ACO2: variants seen among roughly 807,000 people sequenced by gnomAD.
ACO2 encodes aconitase 2.
Under a neutral mutation model 84.5 loss-of-function variants are expected in ACO2, and 31 were observed. The ratio of observed to expected loss-of-function variants is 0.37; its 90% CI spans 0.28 to 0.50. The LOEUF (loss-of-function observed/expected upper bound fraction) is 0.50. Ranked by LOEUF, ACO2 falls within the 20% of genes least tolerant of loss-of-function variation. The probability of loss-of-function intolerance (pLI) is 0.97; values close to 1 mark genes in which losing one functional copy is unlikely to be tolerated. For synonymous variants in ACO2, 414 were observed against 412.7 expected (o/e 1.00, Z -0.04); for missense variants, 685 against 1,029.3 (o/e 0.67, Z 4.58).
At chr22:41,522,447 C>T (rs1427839695) in intron 9 of ACO2, among the ~76,000 whole-genome samples, 1 of 152,172 alleles carries the variant, frequency 6.6e-6, no homozygotes, top group Admixed American at 6.5e-5. Flanking sequence ...ATCTTTAAAA[C>T]CCAGAAAATA....
At chr22:41,490,631 G>A (rs1431627612) in intron 1 of ACO2, among the ~76,000 whole-genome samples, 1 of 152,184 alleles carries the variant, frequency 6.6e-6, no homozygotes, top group African/African-American at 2.4e-5. Flanking sequence ...TAGTCAAAGA[G>A]TGCAAACACT....
intron 15 of ACO2, 103 bp downstream of exon 15, chr22:41,526,556 C>A: frequency 7.5e-7 from 1 of 1,327,488 alleles, no homozygotes. Flanking sequence ...GGAAGGAGGC[C>A]GACCAAGCCC....
At chr22:41,528,293 C>T (rs536839728) in intron 17 of ACO2, 186 bp from the exon 18 acceptor site, 1 of 897,756 alleles carries the variant, frequency 1.1e-6, no homozygotes, top group Non-Finnish European at 1.6e-6. Flanking sequence ...ACCCTCTGGG[C>T]CCCAGGAATC....
chr22:41,521,897 G>C (rs557723093), intron 9 of ACO2, among the ~76,000 whole-genome samples: 1 of 151,608 alleles, frequency 6.6e-6, no homozygotes, highest in Admixed American at 6.6e-5. Context: ...TCAGCCTCCC[G>C]AGTAGCTGGG....
At chr22:41,504,511 G>T (rs1313517920) in intron 2 of ACO2, among the ~76,000 whole-genome samples, 1 of 152,054 alleles carries the variant, frequency 6.6e-6, no homozygotes, top group Non-Finnish European at 1.5e-5. Flanking sequence ...CAAGGTCTTG[G>T]GTTTTTAAGC....
Position 41,520,266 on chromosome 22 carries a change from C to T in ACO2, c.1128C>T (p.Asp376=), listed in dbSNP as rs376814006. ...CAGAGAAGGAAGGATGGCCTCTGGA[C>T]ATCCGAGTGGGTGAGCACCTTCCAC... is the stretch of plus-strand genomic sequence containing the variant. ...KVAEKEGWPL[D]IRVGLIGSCT... The change falls in exon 9 of 18, where the codon GAC becomes GAT. Residue 376 remains aspartate, a synonymous_variant. Transcript: ENST00000216254. 2.5e-6 allele frequency: 4 copies of T among 1,613,772 alleles called. No homozygotes were observed. The highest frequency in any genetic ancestry group is 3.4e-6 in the Non-Finnish European group (4 of 1,179,832).
chr22:41,524,220 T>C (rs1360075126), intron 12 of ACO2, among the ~76,000 whole-genome samples: 2 of 152,232 alleles, frequency 1.3e-5, no homozygotes, highest in African/African-American at 4.8e-5. Context: ...TAACTCGCTG[T>C]ATGAGTGTGG....
intron 2 of ACO2, among the ~76,000 whole-genome samples, chr22:41,502,138 G>C (rs555469674): frequency 1.3e-5 from 2 of 152,258 alleles, no homozygotes; most frequent in South Asian, 2.1e-4. Context: ...GCTTGTTCTT[G>C]TGGGTTTCTT....
In ACO2 at chr22:41,527,768, C is replaced by G. The variant is rs1017197123; in HGVS notation, c.2087-133C>G. 8 of 1,456,948 alleles carry G rather than the reference C, an allele frequency of 5.5e-6. No individual in the cohort carries two copies. In the Middle Eastern group the frequency reaches 5.4e-4, roughly 98 times the overall value. The allele number at this position is 1,456,948 out of a possible 1,614,324, so 90.3% of individuals were successfully genotyped here. The stretch of plus-strand genomic sequence containing the variant: ...CTAGTGAAAGGGAGCAGACCAGGGC[C>G]CCATAGTCACTGCCCGGGCATTGTC... On this transcript the variant is annotated intron_variant, in intron 16 of 17. Coordinates refer to ENST00000216254, the MANE Select transcript of ACO2 (RefSeq NM_001098.3).
Position 41,499,779 on chromosome 22 carries a change from C to G in ACO2, c.90C>G (p.Ala30=). 2 of 1,614,012 alleles carry G rather than the reference C, an allele frequency of 1.2e-6. No individual in the cohort carries two copies. The highest frequency in any genetic ancestry group is 8.5e-7 in the Non-Finnish European group (1 of 1,180,034). ...TGGCCTCAGTCCTGTGCCAACGGGC[C>G]AAGGTGGCGATGAGCCACTTTGAGC... ...YHVASVLCQR[A]KVAMSHFEPN... Residue 30 remains alanine, a synonymous_variant, in exon 2 of 18, where the codon GCC becomes GCG. Transcript: ENST00000216254.
intron 14 of ACO2, 129 bp downstream of exon 14, chr22:41,525,477 T>C: frequency 8.3e-7 from 1 of 1,210,662 alleles, no homozygotes; most frequent in Non-Finnish European, 1.2e-6. Context: ...GGAAGGGAGG[T>C]TTGGCTGCAG....
chr22:41,526,987 CCT>C (rs1272178762), intron 15 of ACO2: 4 of 484,498 alleles, frequency 8.3e-6, no homozygotes, highest in Non-Finnish European at 1.5e-5. Context: ...GGAGGCCGTC[CCT>C]GTCTCACCCA....
intron 2 of ACO2, 36 bp from the exon 3 acceptor site, chr22:41,507,755 T>C: frequency 6.3e-7 from 1 of 1,595,670 alleles, no homozygotes; most frequent in Non-Finnish European, 8.6e-7. Context: ...GCCGTGCAGC[T>C]AGCACCAGGC....
At chr22:41,469,986 C>G (rs368947418) in intron 1 of ACO2, among the ~76,000 whole-genome samples, 5 of 152,252 alleles carry the variant, frequency 3.3e-5, no homozygotes, top group African/African-American at 1.2e-4. Context: ...AACCACGGTG[C>G]AATTATTTCT....
chr22:41,492,560 G>C (rs938250273), intron 1 of ACO2, among the ~76,000 whole-genome samples: 3 of 152,158 alleles, frequency 2.0e-5, no homozygotes, highest in African/African-American at 7.2e-5. Flanking sequence ...GATCACCTGA[G>C]TTTGGGAGTT....
chr22:41,526,856 A>G (rs956561001), intron 15 of ACO2: 2 of 304,010 alleles, frequency 6.6e-6, no homozygotes, highest in Non-Finnish European at 1.2e-5. Context: ...CCAGGGCTGA[A>G]CCCAAGTCCT....
chr22:41,525,006 G>A (rs752186174), intron 13 of ACO2, 38 bp downstream of exon 13: 1 of 1,613,992 alleles, frequency 6.2e-7, no homozygotes, highest in South Asian at 1.1e-5. Context: ...GTTGCTGTGT[G>A]GCCACGTCAC....
At position 41,523,189 on chromosome 22, in the gene ACO2, C is replaced by A; in HGVS notation, c.1297-16C>A. 1 of 1,608,256 alleles carries A rather than the reference C, an allele frequency of 6.2e-7. No individual in the cohort carries two copies. The highest frequency in any genetic ancestry group is 8.5e-7 in the Non-Finnish European group (1 of 1,176,454). ...TCACCCACCCTTGACATTCTGTCTTCCTCTCTCCCTGGCAGGCACAGATCT... is the reference window on the plus strand; with the variant it reads ...TCACCCACCCTTGACATTCTGTCTTACTCTCTCCCTGGCAGGCACAGATCT... On this transcript the variant is annotated splice_polypyrimidine_tract_variant and intron_variant, in intron 10 of 17. Transcript: ENST00000216254.
chr22:41,508,072 G>A lies in ACO2; in HGVS notation c.432+23G>A, dbSNP rs763516614. The A allele has an allele frequency of 1.4e-5, 23 of 1,598,176 alleles. No individual in the cohort carries two copies. In the South Asian group the frequency reaches 2.5e-4, roughly 17 times the overall value. On this transcript the variant is annotated intron_variant, in intron 3 of 17. Transcript: ENST00000216254. The stretch of plus-strand genomic sequence containing the variant: ...AAGGTGAGCAGAAGGTGGCTTTGGG[G>A]GTGGGCAAGTGGGCAAGACTGGGCG...
Sources: allele counts gnomAD v4.1 joint callset (sites outside exome capture counted in the v4.1 genomes callset), GRCh38; gene constraint gnomAD v4.1.1; transcripts MANE v1.5; gene names NCBI Gene and HGNC (gene_info 2026-07-23, HGNC 2026-07-21).